NIPBL: variants seen among roughly 807,000 people sequenced by gnomAD.
NIPBL encodes the protein nipped-B-like protein.
In NIPBL, 19 loss-of-function variants were observed where a neutral mutation model predicts 321.8. The ratio of observed to expected loss-of-function variants is 0.06; its 90% CI spans 0.04 to 0.09. The LOEUF is 0.09. Ranked by LOEUF, NIPBL falls within the 10% of genes least tolerant of loss-of-function variation. The pLI is 1.00. For missense variants in NIPBL, 2,210 were observed against 3,327.0 expected (o/e 0.66, Z 8.26); for synonymous variants, 1,106 against 1,114.1 (o/e 0.99, Z 0.14).
intron 4 of NIPBL, among the ~76,000 whole-genome samples, chr5:36,961,138 T>C (rs556758836): frequency 6.6e-6 from 1 of 152,248 alleles, no homozygotes; most frequent in African/African-American, 2.4e-5. Context: ...TGAGTCCCGT[T>C]GTAGAAGGAA....
chr5:37,052,079 CAGT>C lies in NIPBL; in HGVS notation c.7062+195_7062+197del, dbSNP rs563527064. Among the ~76,000 whole-genome samples, 16 of 152,062 alleles carry C rather than the reference CAGT, an allele frequency of 1.1e-4. 1 individual carries two copies. The highest frequency in any genetic ancestry group is 7.9e-4 in the Admixed American group (12 of 15,268). On this transcript the variant is annotated intron_variant, in intron 41 of 46. Coordinates refer to ENST00000282516, the MANE Select transcript of NIPBL (RefSeq NM_133433.4). ...AAAGTTAAGGTTGGGCTAGAGGTGA[CAGT>C]ACCAAGCACACCAGACTAAAAATCA... is the stretch of plus-strand genomic sequence containing the variant.
Position 36,946,964 on chromosome 5 carries a change from T to G in NIPBL, c.-79-6654T>G, listed in dbSNP as rs1266137475. ...TAAGATTTGATTAGAAACACCTGAG[T>G]TCAAATCCTATTTCTGCTGCATGCT... On this transcript the variant is annotated intron_variant, in intron 1 of 46. Transcript: ENST00000282516. Among the ~76,000 whole-genome samples, 2 of 152,104 alleles carry G rather than the reference T, an allele frequency of 1.3e-5. 1 individual carries two copies. The highest frequency in any genetic ancestry group is 3.9e-4 in the East Asian group (2 of 5,192).
At chr5:36,935,937 G>T (rs1738371186) in intron 1 of NIPBL, among the ~76,000 whole-genome samples, 1 of 152,034 alleles carries the variant, frequency 6.6e-6, no homozygotes, top group Admixed American at 6.6e-5. Context: ...AAGGATGTGT[G>T]TCATTAGATT....
intron 1 of NIPBL, among the ~76,000 whole-genome samples, chr5:36,900,596 C>G (rs529855310): frequency 6.6e-6 from 1 of 152,226 alleles, no homozygotes; most frequent in South Asian, 2.1e-4. Flanking sequence ...TCCTTGAGGT[C>G]AGGGACTTAA....
At chr5:36,956,841 T>C (rs910510930) in intron 3 of NIPBL, among the ~76,000 whole-genome samples, 19 of 151,850 alleles carry the variant, frequency 1.3e-4, no homozygotes, top group African/African-American at 4.1e-4. Flanking sequence ...GCCAGGCTGG[T>C]CTCAAATTCC....
intron 6 of NIPBL, among the ~76,000 whole-genome samples, chr5:36,970,332 G>A (rs1414291185): frequency 6.6e-6 from 1 of 151,644 alleles, no homozygotes; most frequent in African/African-American, 2.4e-5. Flanking sequence ...GTTACAGTGA[G>A]CTATGATCAT....
intron 32 of NIPBL, among the ~76,000 whole-genome samples, chr5:37,035,834 A>G (rs1264326215): frequency 6.6e-6 from 1 of 152,182 alleles, no homozygotes; most frequent in Admixed American, 6.5e-5. Context: ...ATGAAAGATT[A>G]GATTGGTTTT....
At chr5:36,992,248 C>G (rs1421509379) in intron 10 of NIPBL, among the ~76,000 whole-genome samples, 3 of 151,944 alleles carry the variant, frequency 2.0e-5, no homozygotes, top group Admixed American at 1.3e-4. Flanking sequence ...GTAGTTAGGA[C>G]AAAAGAAATT....
At chr5:36,955,685 T>C (rs1457284135) in intron 3 of NIPBL, 48 bp downstream of exon 3, 1 of 1,491,434 alleles carries the variant, frequency 6.7e-7, no homozygotes, top group South Asian at 1.1e-5. Flanking sequence ...AGTTTTGGCC[T>C]TACTAAGAGA....
rs574454877 is a variant in NIPBL at position 37,013,291 on chromosome 5, G to T, written c.4561-1392G>T. 4.6e-5 allele frequency among the ~76,000 whole-genome samples: 7 copies of T among 150,988 alleles called. No homozygotes were observed. In the East Asian group the frequency reaches 1.2e-3, roughly 26 times the overall value. On this transcript the variant is annotated intron_variant, in intron 21 of 46. Coordinates refer to ENST00000282516, the MANE Select transcript of NIPBL (RefSeq NM_133433.4). ...TCGCGGATGGGGCGGCTGGCCAGGC[G>T]GGGGGCTGACCCCCCCACCTCCCTC...
intron 1 of NIPBL, among the ~76,000 whole-genome samples, chr5:36,891,224 C>T (rs974738561): frequency 7.9e-5 from 12 of 152,048 alleles, no homozygotes; most frequent in African/African-American, 2.9e-4. Flanking sequence ...AAGATAGCAC[C>T]ACTGCACTCT....
intron 1 of NIPBL, among the ~76,000 whole-genome samples, chr5:36,879,952 A>G (rs912592986): frequency 2.0e-5 from 3 of 152,104 alleles, no homozygotes; most frequent in African/African-American, 7.2e-5. Flanking sequence ...GTTATCTGAG[A>G]ACATTTTTGA....
At chr5:36,914,855 G>T (rs1401573750) in intron 1 of NIPBL, among the ~76,000 whole-genome samples, 2 of 152,142 alleles carry the variant, frequency 1.3e-5, no homozygotes, top group Non-Finnish European at 2.9e-5. Context: ...TACAGAGTCT[G>T]TCACTTGGAG....
Position 37,049,226 on chromosome 5 carries a change from C to G in NIPBL, c.6879C>G (p.Thr2293=). The G allele has an allele frequency of 6.2e-7, 1 of 1,614,040 alleles. No individual in the cohort carries two copies. ...AGGTGCTTGAGGCATTTTTTCACAC[C>G]CAGTCAAGTGTACGCCACTTTGCCC... ...LKQVLEAFFH[T]QSSVRHFALN... Residue 2293 remains threonine, a synonymous_variant, in exon 40 of 47, where the codon ACC becomes ACG. Coordinates refer to ENST00000282516, the MANE Select transcript of NIPBL (RefSeq NM_133433.4).
chr5:36,881,507 T>A (rs1745499345), intron 1 of NIPBL, among the ~76,000 whole-genome samples: 1 of 151,954 alleles, frequency 6.6e-6, no homozygotes, highest in African/African-American at 2.4e-5. Context: ...TCTTTTAACA[T>A]GCCCAAAAGT....
chr5:36,999,272 AG>A (rs1029619169), intron 11 of NIPBL, among the ~76,000 whole-genome samples: 1 of 152,222 alleles, frequency 6.6e-6, no homozygotes, highest in African/African-American at 2.4e-5. Context: ...TATCATAGTT[AG>A]GGATTCAGAA....
chr5:36,880,996 G>A lies in NIPBL; in HGVS notation c.-80+3818G>A, dbSNP rs1369770440. On this transcript the variant is annotated intron_variant, in intron 1 of 46. Transcript: ENST00000282516. ...TGCTTTAAGAAATGTGTGAGCTCTG[G>A]TCTTGAAGCTAGGTATTGCTCAGTG... Among the ~76,000 whole-genome samples, 3 of 152,050 alleles carry A rather than the reference G, an allele frequency of 2.0e-5. No homozygotes were observed. In the East Asian group the frequency reaches 5.8e-4, roughly 29 times the overall value.
chr5:37,048,293 G>C (rs938124435), intron 38 of NIPBL, among the ~76,000 whole-genome samples: 5 of 152,106 alleles, frequency 3.3e-5, no homozygotes, highest in Non-Finnish European at 7.4e-5. Context: ...ATTCTCCTTT[G>C]AAATGCAATT....
chr5:37,064,104 T>TAGATAG, intron 46 of NIPBL, 126 bp downstream of exon 46: 1 of 1,463,482 alleles, frequency 6.8e-7, no homozygotes, highest in African/African-American at 1.4e-5. Context: ...AAACATTTTG[T>TAGATAG]AGATAGAGAT....
Sources: allele counts gnomAD v4.1 joint callset (sites outside exome capture counted in the v4.1 genomes callset), GRCh38; gene constraint gnomAD v4.1.1; transcripts MANE v1.5; gene names NCBI Gene and HGNC (gene_info 2026-07-23, HGNC 2026-07-21).